The following CLU variants were observed in gnomAD, a reference collection of about 807,000 sequenced individuals.
The protein encoded by CLU is aging-associated protein 4.
Under a neutral mutation model 46.4 loss-of-function variants are expected in CLU, and 25 were observed. The ratio of observed to expected loss-of-function variants is 0.54; its 90% CI spans 0.39 to 0.75. The LOEUF is 0.75. Ranked by LOEUF, CLU falls within the 30% of genes least tolerant of loss-of-function variation. CLU has a pLI of 0.00. For missense variants in CLU, 504 were observed against 592.1 expected, an observed-to-expected ratio of 0.85 and a Z score of 1.54; for synonymous variants, 235 against 235.1, an observed-to-expected ratio of 1.00 and a Z score of 0.00.
chr8:27,602,572 G>A (rs1380193488), intron 6 of CLU, among the ~76,000 whole-genome samples: 7 of 150,766 alleles, frequency 4.6e-5, no homozygotes, highest in African/African-American at 1.7e-4. Flanking sequence ...CTGCACTCCA[G>A]GCTGGGTGAT....
In CLU at chr8:27,606,358, C is replaced by T. The variant is rs756208273; in HGVS notation, c.413G>A (p.Arg138His). 32 of 1,613,880 alleles carry T rather than the reference C, an allele frequency of 2.0e-5. No homozygotes were observed. The highest frequency in any genetic ancestry group is 1.3e-4 in the Admixed American group (8 of 60,016). Residue 138 changes from arginine (R) to histidine (H), a missense_variant, in exon 4 of 9, where the codon CGC becomes CAC. Physicochemically the swap from Arg to His is conservative, Grantham distance 29. This residue lies in a region of CLU where 428 missense variants were observed against 484.0 expected (regional missense o/e 0.88). Coordinates refer to ENST00000316403, the MANE Select transcript of CLU (RefSeq NM_001831.4). ...ACTCATGTGTCCCCTTTTCACCTGG[C>T]GGCCAACCAGGCCTGAGCCACTTCT... ...VCRSGSGLVG[R>H]QLEEFLNQSS...
At chr8:27,600,145 G>A (rs1389373535) in intron 6 of CLU, 136 bp from the exon 7 acceptor site, 4 of 709,790 alleles carry the variant, frequency 5.6e-6, no homozygotes, top group South Asian at 1.5e-5. Context: ...GCCACAAACT[G>A]GAATTGTCCA....
Position 27,599,838 on chromosome 8 carries a change from A to G in CLU, c.1106T>C (p.Val369Ala). 1 of 1,614,096 alleles carries G rather than the reference A, an allele frequency of 6.2e-7. No individual in the cohort carries two copies. The highest frequency in any genetic ancestry group is 8.5e-7 in the Non-Finnish European group (1 of 1,179,990). Residue 369 changes from valine (V) to alanine (A), a missense_variant, in exon 7 of 9, where the codon GTG (valine) becomes GCG (alanine). Coordinates refer to ENST00000316403, the MANE Select transcript of CLU (RefSeq NM_001831.4). The surrounding 1 kb of genome is among the most constrained non-coding windows in gnomAD (Gnocchi z 4.0). ...LEQLNEQFNW[V>A]SRLANLTQGE... ...TTGCGTGAGGTTTGCCAGCCGGGAC[A>G]CCCAGTTAAACTGCTCGTTCAGCTG...
chr8:27,598,760 AC>A, intron 7 of CLU, 125 bp from the exon 8 acceptor site: 1 of 881,968 alleles, frequency 1.1e-6, no homozygotes, highest in Non-Finnish European at 1.8e-6. Flanking sequence ...TAGAGAGCTG[AC>A]CCCATGCTTC....
intron 1 of CLU, among the ~76,000 whole-genome samples, chr8:27,613,401 A>T (rs1363991044): frequency 7.0e-6 from 1 of 142,164 alleles, no homozygotes; most frequent in Non-Finnish European, 1.5e-5. Context: ...AAAAAAAAAA[A>T]AAGAGAGAAA....
intron 3 of CLU, among the ~76,000 whole-genome samples, chr8:27,606,926 T>C (rs1461725443): frequency 1.3e-5 from 2 of 152,228 alleles, no homozygotes; most frequent in African/African-American, 4.8e-5. Context: ...ATCTTACCTT[T>C]CTATTGCAAC....
chr8:27,609,906 A>C (rs964426207), intron 2 of CLU, among the ~76,000 whole-genome samples: 1 of 152,190 alleles, frequency 6.6e-6, no homozygotes, highest in Non-Finnish European at 1.5e-5. Flanking sequence ...GTGCATTTCA[A>C]AACATCACGT....
chr8:27,603,223 G>A (rs1489387518), intron 6 of CLU, among the ~76,000 whole-genome samples: 2 of 152,184 alleles, frequency 1.3e-5, no homozygotes, highest in African/African-American at 2.4e-5. Context: ...TTGTGGTGAG[G>A]TACCATGTAA....
chr8:27,600,156 C>T (rs1307353016), intron 6 of CLU, 147 bp from the exon 7 acceptor site: 49 of 688,694 alleles, frequency 7.1e-5, no homozygotes, highest in Non-Finnish European at 3.2e-5. Flanking sequence ...GAATTGTCCA[C>T]GACAAAATAA....
Position 27,597,942 on chromosome 8 carries a change from T to A in CLU, c.*299A>T. The A allele has an allele frequency of 1.6e-6, 1 of 619,044 alleles. No homozygotes were observed. The highest frequency in any genetic ancestry group is 3.5e-5 in the East Asian group (1 of 28,562). 38.3% of individuals were successfully genotyped at this position (619,044 alleles called of 1,614,324 possible). On this transcript the variant is annotated 3_prime_UTR_variant, in exon 9 of 9. Coordinates refer to ENST00000316403, the MANE Select transcript of CLU (RefSeq NM_001831.4). ...CCCCTGCCTGCCCCCCATAGCAAAA[T>A]GAAGGCATGCCGGGAAGCAGCAACT...
chr8:27,603,812 C>T (rs984549165), intron 6 of CLU, among the ~76,000 whole-genome samples: 3 of 152,136 alleles, frequency 2.0e-5, no homozygotes, highest in South Asian at 2.1e-4. Flanking sequence ...TCAGTTTCCT[C>T]AGAGGGTCAT....
intron 4 of CLU, 95 bp from the exon 5 acceptor site, chr8:27,605,430 C>T: frequency 7.5e-7 from 1 of 1,339,484 alleles, no homozygotes; most frequent in Admixed American, 1.8e-5. Context: ...AGGCCCTGCC[C>T]ATGGCTGTAA....
chr8:27,604,011 C>G (rs1188338112), intron 6 of CLU, among the ~76,000 whole-genome samples: 1 of 152,186 alleles, frequency 6.6e-6, no homozygotes, highest in African/African-American at 2.4e-5. Context: ...TTTCAACAAG[C>G]TTTTTTCAAC....
chr8:27,612,185 C>T (rs908542760), intron 1 of CLU, among the ~76,000 whole-genome samples: 2 of 152,278 alleles, frequency 1.3e-5, no homozygotes, highest in Non-Finnish European at 2.9e-5. Context: ...TCTACCCTAG[C>T]GGTGAGGCTG....
At chr8:27,606,597 C>T (rs1365610061) in intron 3 of CLU, 73 bp from the exon 4 acceptor site, 14 of 1,581,120 alleles carry the variant, frequency 8.9e-6, no homozygotes, top group Admixed American at 6.7e-5. Flanking sequence ...CTGCTGGGTG[C>T]CAGGCCCTCT....
chr8:27,598,460 C>G lies in CLU; in HGVS notation c.1340G>C (p.Arg447Pro). Residue 447 changes from arginine to proline, a missense_variant and splice_region_variant, in exon 8 of 9, where the codon CGG (arginine) becomes CCG (proline). Transcript: ENST00000316403. ...KALQEYRKKH[R>P]EE Reference sequence around the variant, plus strand: ...CCGCAGGAAAGGCCCGCCTGCTTACCGGTGCTTTTTGCGGTATTCCTGCAG... The same window carrying G: ...CCGCAGGAAAGGCCCGCCTGCTTACGGGTGCTTTTTGCGGTATTCCTGCAG... 6.2e-7 allele frequency: 1 copy of G among 1,613,974 alleles called. No individual in the cohort carries two copies. Among genetic ancestry groups the G allele is most frequent in the Middle Eastern group, 1.7e-4 (1 of 6,040 alleles).
chr8:27,597,297 T>G lies in CLU; in HGVS notation c.*944A>C, dbSNP rs752435826. 6.6e-6 allele frequency: 3 copies of G among 454,400 alleles called. No individual in the cohort carries two copies. Among genetic ancestry groups the G allele is most frequent in the Non-Finnish European group, 1.3e-5 (3 of 226,792 alleles). The allele number at this position is 454,400 out of a possible 1,614,324, so 28.1% of individuals were successfully genotyped here. ...GAACGAAAAGCCTGAGCTTTAAGAC[T>G]GAGATTGGTACCACGGGTAGTCATG... On this transcript the variant is annotated 3_prime_UTR_variant, in exon 9 of 9. Coordinates refer to ENST00000316403, the MANE Select transcript of CLU (RefSeq NM_001831.4).
chr8:27,600,231 T>C (rs9331934), intron 6 of CLU, among the ~76,000 whole-genome samples: 2,000 of 152,256 alleles, frequency 0.013, 18 homozygotes, highest in Admixed American at 0.03. Context: ...TTTGGGTTTT[T>C]TGTTTTTGTT....
chr8:27,614,693 G>A lies in CLU; in HGVS notation c.-68C>T, dbSNP rs1364405894. 2 of 533,294 alleles carry A rather than the reference G, an allele frequency of 3.8e-6. No individual in the cohort carries two copies. The highest frequency in any genetic ancestry group is 7.7e-6 in the Non-Finnish European group (2 of 259,282). The allele number at this position is 533,294 out of a possible 1,614,324, so 33.0% of individuals were successfully genotyped here. ...CCTGTGCCCGCGCGCTCCTCCTGGC[G>A]ACGCCGCGTTGTGGGCACTGGGAGG... On this transcript the variant is annotated 5_prime_UTR_variant, in exon 1 of 9. Coordinates refer to ENST00000316403, the MANE Select transcript of CLU (RefSeq NM_001831.4).
Sources: gnomAD v4.1 joint callset for allele counts (sites outside exome capture counted in the v4.1 genomes callset) on GRCh38, gnomAD v4.1.1 for gene constraint, gnomAD v4.1.1 regional missense constraint, Gnocchi (gnomAD v3.1) non-coding constraint, MANE v1.5 for transcripts, NCBI Gene and HGNC (gene_info 2026-07-23, HGNC 2026-07-21) for gene names.